The following ATG7 variants were observed in gnomAD, a reference collection of about 807,000 sequenced individuals.
The protein encoded by ATG7 is autophagy related 7.
In ATG7, 70 loss-of-function variants were observed where a neutral mutation model predicts 82.4. The observed-to-expected ratio is 0.85, with a 90% CI of 0.70 to 1.04. ATG7 has a LOEUF of 1.04. Among genes scored for constraint, ATG7 ranks in the 50% least tolerant of loss-of-function variants. ATG7 has a pLI of 0.00. For missense variants in ATG7, 792 were observed against 864.3 expected (o/e 0.92, Z 1.05); for synonymous variants, 287 against 313.0 (o/e 0.92, Z 0.88).
chr3:11,565,623 C>T, the ATG7 span, among the ~76,000 whole-genome samples: 18 of 152,164 alleles, frequency 1.2e-4, no homozygotes, highest in Non-Finnish European at 2.2e-4. This position sits in a 1 kb window ranked among gnomAD's most constrained non-coding sequence, Gnocchi z 4.1. Context: ...CTGGGGTTCC[C>T]GGGGTGCTGT....
chr3:11,343,370 T>C (rs1243717938), intron 13 of ATG7, among the ~76,000 whole-genome samples: 1 of 152,224 alleles, frequency 6.6e-6, no homozygotes, highest in East Asian at 1.9e-4. Context: ...TTTGAATTTG[T>C]GTTTCTTTAA....
At chr3:11,372,841 CGTGCGTGTGCGTGT>C (rs2077117625) in intron 18 of ATG7, among the ~76,000 whole-genome samples, 1 of 15,826 alleles carries the variant, frequency 6.3e-5, no homozygotes, top group Non-Finnish European at 1.3e-4. Flanking sequence ...TGTGTGCGTG[CGTGCGTGTGCGTGT>C]GTGTGTGTGA....
intron 8 of ATG7, among the ~76,000 whole-genome samples, chr3:11,314,405 T>G (rs940963150): frequency 1.8e-5 from 1 of 55,084 alleles, no homozygotes; most frequent in African/African-American, 9.5e-5. Flanking sequence ...CATTATTGAT[T>G]AAATTTTTTT....
chr3:11,468,138 A>G (rs1159073015), intron 20 of ATG7, among the ~76,000 whole-genome samples: 2 of 152,216 alleles, frequency 1.3e-5, no homozygotes, highest in Non-Finnish European at 2.9e-5. Flanking sequence ...CGTGACTTTC[A>G]TCCCTGCTCG....
rs185298004 is a variant in ATG7 at position 11,522,893 on chromosome 3, A to G, written c.2080-31918A>G. Among the ~76,000 whole-genome samples the G allele has an allele frequency of 7.2e-4, 110 of 152,274 alleles. 1 individual carries two copies. The highest frequency in any genetic ancestry group is 2.6e-3 in the African/African-American group (110 of 41,534). ...ATAGCTCTGGATCTAGAACAAACGT[A>G]TCTGAGGTCAGGTCCCAGCCCGCCA... is the stretch of plus-strand genomic sequence containing the variant. On this transcript the variant is annotated intron_variant, in intron 20 of 20. Transcript: ENST00000693202.
chr3:11,571,248 C>T, the ATG7 span, among the ~76,000 whole-genome samples: 1 of 152,142 alleles, frequency 6.6e-6, no homozygotes, highest in Admixed American at 6.5e-5. Context: ...TATGCGTCAG[C>T]AACTACTGCC....
chr3:11,507,265 G>C (rs2091784794), intron 20 of ATG7, among the ~76,000 whole-genome samples: 1 of 152,188 alleles, frequency 6.6e-6, no homozygotes, highest in South Asian at 2.1e-4. Context: ...CTGGGAGACA[G>C]AGTGAGACTC....
chr3:11,393,715 C>T (rs969093274), intron 19 of ATG7, among the ~76,000 whole-genome samples: 3 of 151,234 alleles, frequency 2.0e-5, no homozygotes, highest in African/African-American at 4.9e-5. Context: ...CAGTCTCATT[C>T]GGTTGCCCAG....
At chr3:11,550,519 C>T (rs2071676878) in intron 20 of ATG7, among the ~76,000 whole-genome samples, 1 of 152,096 alleles carries the variant, frequency 6.6e-6, no homozygotes, top group Admixed American at 6.5e-5. Context: ...CTCCTATCTC[C>T]TGAGTTGCTG....
At chr3:11,347,240 G>T (rs1954689555) in intron 13 of ATG7, among the ~76,000 whole-genome samples, 1 of 152,186 alleles carries the variant, frequency 6.6e-6, no homozygotes, top group African/African-American at 2.4e-5. Context: ...GGATTTTAGA[G>T]ATCCCATCTA....
Position 11,333,948 on chromosome 3 carries a change from C to T in ATG7, c.889+855C>T, listed in dbSNP as rs894775484. Among the ~76,000 whole-genome samples the T allele has an allele frequency of 4.6e-5, 7 of 152,000 alleles. No individual in the cohort carries two copies. In the South Asian group the frequency reaches 8.3e-4, roughly 18 times the overall value. On this transcript the variant is annotated intron_variant, in intron 11 of 20. Coordinates refer to ENST00000693202, the MANE Select transcript of ATG7 (RefSeq NM_001349232.2). The stretch of plus-strand genomic sequence containing the variant: ...ATTTTTAGTAGAGACGGGGTTTCAC[C>T]GTGTGTTATCCAGGATGGTCTCCAT...
At chr3:11,280,421 G>T (rs761402510) in intron 1 of ATG7, among the ~76,000 whole-genome samples, 2 of 152,204 alleles carry the variant, frequency 1.3e-5, no homozygotes, top group Non-Finnish European at 2.9e-5. Flanking sequence ...TGAATGACTT[G>T]TCCAAGGTGG....
intron 19 of ATG7, among the ~76,000 whole-genome samples, chr3:11,416,356 G>A (rs1388401683): frequency 6.6e-6 from 1 of 152,074 alleles, no homozygotes; most frequent in Non-Finnish European, 1.5e-5. Context: ...ATTTGGGAAG[G>A]TTATTAATTA....
chr3:11,289,389 A>G (rs1025075831), intron 3 of ATG7, among the ~76,000 whole-genome samples: 2 of 152,132 alleles, frequency 1.3e-5, no homozygotes, highest in East Asian at 3.9e-4. Context: ...CCTAAGTGAT[A>G]CCTTTACCAT....
At chr3:11,332,525 C>A (rs1343553609) in intron 10 of ATG7, among the ~76,000 whole-genome samples, 1 of 151,976 alleles carries the variant, frequency 6.6e-6, no homozygotes, top group East Asian at 1.9e-4. Flanking sequence ...TACAATTATC[C>A]AGGTGGTAAG....
chr3:11,478,135 G>GT (rs1480191504), intron 20 of ATG7, among the ~76,000 whole-genome samples: 3 of 152,124 alleles, frequency 2.0e-5, no homozygotes, highest in Non-Finnish European at 4.4e-5. Flanking sequence ...CGACAGTCTT[G>GT]TTAGAGACAT....
At chr3:11,479,000 ACACACACACACACAC>A (rs2088600461) in intron 20 of ATG7, among the ~76,000 whole-genome samples, 12 of 150,348 alleles carry the variant, frequency 8.0e-5, no homozygotes, top group African/African-American at 2.9e-4. Flanking sequence ...ACACACACAC[ACACACACACACACAC>A]ACACACACAC....
At chr3:11,564,738 TCCAGCCCAGTCCC>T in the ATG7 span, 1 of 1,487,872 alleles carries the variant, frequency 6.7e-7, no homozygotes, top group South Asian at 1.2e-5. Flanking sequence ...GGGCTCTCCA[TCCAGCCCAGTCCC>T]CCAGCCCCTG....
rs572371044 is a variant in ATG7, at chr3:11,372,822, G to A, written c.1876-7150G>A. 1.7e-4 allele frequency among the ~76,000 whole-genome samples: 20 copies of A among 117,756 alleles called. No individual in the cohort carries two copies. In the South Asian group the frequency reaches 3.8e-3, roughly 22 times the overall value. 77.3% of individuals were successfully genotyped at this position (117,756 alleles called of 152,430 possible). ...GCTGGGTGTGTGTGTGTGTGCGCGCGTGTGCGTGTGTGTGCGTGCGTGCGT... is the reference window on the plus strand; with the variant it reads ...GCTGGGTGTGTGTGTGTGTGCGCGCATGTGCGTGTGTGTGCGTGCGTGCGT... On this transcript the variant is annotated intron_variant, in intron 18 of 20. Coordinates refer to ENST00000693202, the MANE Select transcript of ATG7 (RefSeq NM_001349232.2).
Sources: gnomAD v4.1 joint callset for allele counts (sites outside exome capture counted in the v4.1 genomes callset) on GRCh38, gnomAD v4.1.1 for gene constraint, Gnocchi (gnomAD v3.1) non-coding constraint, MANE v1.5 for transcripts, NCBI Gene and HGNC (gene_info 2026-07-23, HGNC 2026-07-21) for gene names.